The following SCHIP1 variants were observed in gnomAD, a reference collection of about 807,000 sequenced individuals.
The protein encoded by SCHIP1 is schwannomin-interacting protein 1.
Under a neutral mutation model 29.7 loss-of-function variants are expected in SCHIP1, and 8 were observed. The ratio of observed to expected loss-of-function variants is 0.27; its 90% CI spans 0.16 to 0.49. The LOEUF (loss-of-function observed/expected upper bound fraction) is 0.49. Ranked by LOEUF, SCHIP1 falls within the 20% of genes least tolerant of loss-of-function variation. The pLI is 0.99. For synonymous variants in SCHIP1, 76 were observed against 94.9 expected, an observed-to-expected ratio of 0.80 and a Z score of 1.16; for missense variants, 193 against 294.6, an observed-to-expected ratio of 0.66 and a Z score of 2.52.
the SCHIP1 span, among the ~76,000 whole-genome samples, chr3:159,533,845 A>G: frequency 6.6e-6 from 1 of 152,220 alleles, no homozygotes; most frequent in Non-Finnish European, 1.5e-5. Flanking sequence ...GAAAGCAGGG[A>G]ACTTTTAATT....
chr3:159,623,729 T>A, the SCHIP1 span, among the ~76,000 whole-genome samples: 1 of 152,232 alleles, frequency 6.6e-6, no homozygotes. Flanking sequence ...TGTAGGGTAC[T>A]TGTATAAAAT....
chr3:159,371,904 G>T, the SCHIP1 span, among the ~76,000 whole-genome samples: 1 of 152,106 alleles, frequency 6.6e-6, no homozygotes, highest in Non-Finnish European at 1.5e-5. Flanking sequence ...GAATTAATGG[G>T]TGCAGAACCC....
the SCHIP1 span, among the ~76,000 whole-genome samples, chr3:159,601,831 G>A: frequency 6.6e-6 from 1 of 152,216 alleles, no homozygotes; most frequent in Non-Finnish European, 1.5e-5. Context: ...CTAGCCAGTG[G>A]TATGCTGCTG....
the SCHIP1 span, among the ~76,000 whole-genome samples, chr3:159,372,416 G>A: frequency 6.6e-6 from 1 of 152,148 alleles, no homozygotes; most frequent in Admixed American, 6.5e-5. Flanking sequence ...TTTTAAAAAT[G>A]TTTAAATAAT....
the SCHIP1 span, among the ~76,000 whole-genome samples, chr3:159,431,845 C>T: frequency 5.3e-5 from 8 of 149,882 alleles, no homozygotes; most frequent in South Asian, 1.7e-3. Context: ...CAATGATTTT[C>T]TTATTTATCA....
chr3:159,564,928 T>C, the SCHIP1 span, among the ~76,000 whole-genome samples: 1 of 152,230 alleles, frequency 6.6e-6, no homozygotes, highest in Non-Finnish European at 1.5e-5. Flanking sequence ...TACTCTCACA[T>C]ATGTCTTTTG....
the SCHIP1 span, among the ~76,000 whole-genome samples, chr3:159,757,288 A>G: frequency 1.3e-5 from 2 of 152,174 alleles, no homozygotes; most frequent in Non-Finnish European, 2.9e-5. Flanking sequence ...CAAGTCACAT[A>G]TTGTGTGGAT....
the SCHIP1 span, among the ~76,000 whole-genome samples, chr3:159,533,872 A>C: frequency 2.0e-5 from 3 of 152,240 alleles, no homozygotes; most frequent in Non-Finnish European, 4.4e-5. Context: ...ATCTAAGTCA[A>C]GAATTGGCCA....
the SCHIP1 span, among the ~76,000 whole-genome samples, chr3:159,470,641 A>G: frequency 6.6e-6 from 1 of 152,232 alleles, no homozygotes; most frequent in South Asian, 2.1e-4. Context: ...TAAGAAGACT[A>G]AAATACCAAA....
At chr3:159,427,577 C>T in the SCHIP1 span, among the ~76,000 whole-genome samples, 1 of 152,088 alleles carries the variant, frequency 6.6e-6, no homozygotes, top group Non-Finnish European at 1.5e-5. Context: ...ATTCCATGCT[C>T]ATGGGTAGGA....
chr3:159,441,506 G>A, the SCHIP1 span, among the ~76,000 whole-genome samples: 1 of 152,044 alleles, frequency 6.6e-6, no homozygotes, highest in Non-Finnish European at 1.5e-5. Flanking sequence ...GGAAGGGGGA[G>A]GAGGAGAAGT....
At chr3:159,278,547 C>CT in the SCHIP1 span, among the ~76,000 whole-genome samples, 1 of 152,118 alleles carries the variant, frequency 6.6e-6, no homozygotes, top group Non-Finnish European at 1.5e-5. Context: ...CTCTAATGAG[C>CT]TTTTTTGCTC....
the SCHIP1 span, among the ~76,000 whole-genome samples, chr3:159,447,096 G>A: frequency 6.6e-6 from 1 of 152,266 alleles, no homozygotes; most frequent in East Asian, 1.9e-4. Flanking sequence ...ATTATGTACT[G>A]ACTCCAACTA....
At chr3:159,667,377 T>A in the SCHIP1 span, among the ~76,000 whole-genome samples, 1 of 152,128 alleles carries the variant, frequency 6.6e-6, no homozygotes, top group Non-Finnish European at 1.5e-5. Flanking sequence ...GTGGGTGACA[T>A]GGAAAAGAAA....
chr3:159,366,737 T>G, the SCHIP1 span, among the ~76,000 whole-genome samples: 1 of 152,202 alleles, frequency 6.6e-6, no homozygotes, highest in Non-Finnish European at 1.5e-5. Context: ...ATCATCTCCC[T>G]GCCCACATCT....
At chr3:159,353,324 TAAAAA>T in the SCHIP1 span, among the ~76,000 whole-genome samples, 1 of 150,646 alleles carries the variant, frequency 6.6e-6, no homozygotes, top group Admixed American at 6.6e-5. Context: ...ATAATAAAAT[TAAAAA>T]AAAAGAGTTT....
the SCHIP1 span, among the ~76,000 whole-genome samples, chr3:159,767,603 A>G: frequency 2.0e-5 from 3 of 152,236 alleles, no homozygotes; most frequent in Non-Finnish European, 4.4e-5. Flanking sequence ...GGAATGGGGT[A>G]TACAATGAAA....
the SCHIP1 span, among the ~76,000 whole-genome samples, chr3:159,339,701 T>G: frequency 6.6e-6 from 1 of 152,166 alleles, no homozygotes; most frequent in African/African-American, 2.4e-5. Flanking sequence ...TTTCAAGGAG[T>G]GTGAGGGCAC....
At chr3:159,276,155 C>T in the SCHIP1 span, among the ~76,000 whole-genome samples, 3 of 152,162 alleles carry the variant, frequency 2.0e-5, no homozygotes, top group South Asian at 6.2e-4. Flanking sequence ...ATAGTTCTTA[C>T]ATCCAAGGTA....
Sources: allele counts gnomAD v4.1 joint callset (sites outside exome capture counted in the v4.1 genomes callset), GRCh38; gene constraint gnomAD v4.1.1; transcripts MANE v1.5; gene names NCBI Gene and HGNC (gene_info 2026-07-23, HGNC 2026-07-21).